Variants in MYBPH observed in about 807,000 individuals in gnomAD.
The protein encoded by MYBPH is myosin binding protein H.
A neutral mutation model predicts 53.6 loss-of-function variants in MYBPH; 49 were observed. The ratio of observed to expected loss-of-function variants is 0.91; its 90% CI spans 0.73 to 1.16. MYBPH has a LOEUF of 1.16. Among genes scored for constraint, MYBPH ranks in the 50% most tolerant of loss-of-function variants. The pLI, the probability that MYBPH is intolerant of heterozygous loss-of-function variation, is 0.00. For missense variants in MYBPH, 558 were observed against 624.1 expected, an observed-to-expected ratio of 0.89 and a Z score of 1.13; for synonymous variants, 239 against 249.6, an observed-to-expected ratio of 0.96 and a Z score of 0.40.
rs1571819743 is a variant in MYBPH at position 203,169,248 on chromosome 1, C to T, written c.1230+5G>A. 1 of 1,601,736 alleles carries T rather than the reference C, an allele frequency of 6.2e-7. No homozygotes were observed. Among genetic ancestry groups the T allele is most frequent in the Non-Finnish European group, 8.5e-7 (1 of 1,173,800 alleles). On this transcript the variant is annotated splice_donor_5th_base_variant and intron_variant, in intron 8 of 10. Transcript: ENST00000255416. ...CCCAGGGCACAACAGGGCCTGGCCC[C>T]TCACCTTGGGTGAAGCTCGGACACT...
rs74136952 is a variant in MYBPH at position 203,172,608 on chromosome 1, C to T, written c.509-568G>A. Reference sequence around the variant, plus strand: ...AGTGAAGCCAGGGCGGGTATCCCCCCTTCTTCCTCTGTCACCCTCCCAAAA... The same window carrying T: ...AGTGAAGCCAGGGCGGGTATCCCCCTTTCTTCCTCTGTCACCCTCCCAAAA... On this transcript the variant is annotated intron_variant, in intron 3 of 10. Transcript: ENST00000255416. Among the ~76,000 whole-genome samples, 544 of 152,326 alleles carry T rather than the reference C, an allele frequency of 3.6e-3. 1 individual carries two copies. The highest frequency in any genetic ancestry group is 0.012 in the African/African-American group (505 of 41,582).
At chr1:203,177,872 C>T (rs932238721), upstream of MYBPH, among the ~76,000 whole-genome samples, 3 of 152,354 alleles carry the variant, frequency 2.0e-5, no homozygotes, top group South Asian at 4.1e-4. Flanking sequence ...TACCCCCTCC[C>T]CACACCCCAC....
At chr1:203,169,947 G>A (rs1655663871) in intron 7 of MYBPH, among the ~76,000 whole-genome samples, 1 of 152,222 alleles carries the variant, frequency 6.6e-6, no homozygotes, top group Non-Finnish European at 1.5e-5. Flanking sequence ...ACCCAGCCAT[G>A]CGCAGGTCAC....
intron 7 of MYBPH, 28 bp downstream of exon 7, chr1:203,170,263 G>C: frequency 6.2e-7 from 1 of 1,612,970 alleles, no homozygotes; most frequent in Non-Finnish European, 8.5e-7. Flanking sequence ...GAGAGAGTTA[G>C]CACAGCCAGC....
rs774759778 is a variant in MYBPH, at chr1:203,170,297, T to C, written c.1087A>G (p.Lys363Glu). The change falls in exon 7 of 11, where the codon AAG becomes GAG. Residue 363 changes from lysine (K) to glutamate (E), a missense_variant. By Grantham distance (56) the Lys-to-Glu change is moderately conservative (BLOSUM62 1). Coordinates refer to ENST00000255416, the MANE Select transcript of MYBPH (RefSeq NM_004997.3). ...TVTKELAHIQ[K>E]ADIAAKPKGF... is the part of the protein sequence containing the mutation. The stretch of plus-strand genomic sequence containing the variant: ...GCTCCGGGCCCAAACCCACCTGCCT[T>C]CTGGATGTGGGCGAGCTCCTTGGTG... 6.2e-7 allele frequency: 1 copy of C among 1,614,008 alleles called. No homozygotes were observed. Among genetic ancestry groups the C allele is most frequent in the Non-Finnish European group, 8.5e-7 (1 of 1,179,992 alleles).
At position 203,169,038 on chromosome 1, in the gene MYBPH, G is replaced by T. The variant is rs1169133037; in HGVS notation, c.1285C>A (p.Arg429Ser). ...KMEIQGNPKY[R>S]ALSEQGVCTL... ...CAGACGCCTTGCTCAGAGAGGGCGC[G>T]GTATTTGGGGTTGCCCTGGATCTCC... The change falls in exon 9 of 11, where the codon CGC (arginine) becomes AGC (serine). Residue 429 changes from arginine to serine, a missense_variant. Arg to Ser is a moderately radical substitution (Grantham distance 110). Coordinates refer to ENST00000255416, the MANE Select transcript of MYBPH (RefSeq NM_004997.3). 13 of 1,613,948 alleles carry T rather than the reference G, an allele frequency of 8.1e-6. No individual in the cohort carries two copies. The highest frequency in any genetic ancestry group is 6.6e-5 in the South Asian group (6 of 91,084).
Position 203,171,286 on chromosome 1 carries a change from A to G in MYBPH, c.794-86T>C. On this transcript the variant is annotated intron_variant, in intron 5 of 10. Transcript: ENST00000255416. The surrounding 1 kb of genome is among the most constrained non-coding windows in gnomAD (Gnocchi z 4.2). The stretch of plus-strand genomic sequence containing the variant: ...ACACCCAAAATTTGGCTCTTGCCAC[A>G]CTCCCTTGGCCTGCTCCCATCAGCC... 6.5e-7 allele frequency: 1 copy of G among 1,546,540 alleles called. No individual in the cohort carries two copies. Among genetic ancestry groups the G allele is most frequent in the Non-Finnish European group, 8.7e-7 (1 of 1,145,138 alleles).
rs1322425381 is a variant in MYBPH, at chr1:203,171,609, A to G, written c.598-31T>C. ...AGGGAGGAGCCCCCAGGGTGAGTGT[A>G]GGGAGGTGCCAGAGTCCCCACACCT... is the stretch of plus-strand genomic sequence containing the variant. On this transcript the variant is annotated intron_variant, in intron 4 of 10. Coordinates refer to ENST00000255416, the MANE Select transcript of MYBPH (RefSeq NM_004997.3). The surrounding 1 kb of genome is among the most constrained non-coding windows in gnomAD (Gnocchi z 4.2). 1 of 1,587,006 alleles carries G rather than the reference A, an allele frequency of 6.3e-7. No individual in the cohort carries two copies. The highest frequency in any genetic ancestry group is 1.8e-5 in the Admixed American group (1 of 56,888).
At chr1:203,175,186 G>T (rs1290912552) in intron 2 of MYBPH, 141 bp downstream of exon 2, 2 of 1,041,028 alleles carry the variant, frequency 1.9e-6, no homozygotes, top group Non-Finnish European at 2.6e-6. Flanking sequence ...GGGCAGGTGG[G>T]TGGGTTGAGG....
intron 7 of MYBPH, 111 bp downstream of exon 7, chr1:203,170,180 G>A (rs1655667713): frequency 4.4e-6 from 6 of 1,358,978 alleles, no homozygotes; most frequent in Non-Finnish European, 6.1e-6. Context: ...GACGGCAAGT[G>A]TTCCAGGGGC....
At position 203,171,152 on chromosome 1, in the gene MYBPH, C is replaced by T. The variant is rs1168921011; in HGVS notation, c.842G>A (p.Cys281Tyr). The T allele has an allele frequency of 6.2e-7, 1 of 1,612,950 alleles. No homozygotes were observed. The highest frequency in any genetic ancestry group is 1.3e-5 in the African/African-American group (1 of 75,012). The change falls in exon 6 of 11, where the codon TGC (cysteine) becomes TAC (tyrosine). Residue 281 changes from cysteine (C) to tyrosine (Y), a missense_variant. Coordinates refer to ENST00000255416, the MANE Select transcript of MYBPH (RefSeq NM_004997.3). The surrounding 1 kb of genome is among the most constrained non-coding windows in gnomAD (Gnocchi z 4.2). ...SSIRLLDVWG[C>Y]NAALQWTPPQ... Reference sequence around the variant, plus strand: ...TGGCGTCCACTGAAGAGCAGCATTGCAGCCCCAGACGTCCAGGAGCCTGAT... The same window carrying T: ...TGGCGTCCACTGAAGAGCAGCATTGTAGCCCCAGACGTCCAGGAGCCTGAT...
chr1:203,174,387 G>A lies in MYBPH; in HGVS notation c.508+43C>T, dbSNP rs377330142. 2.0e-5 allele frequency: 30 copies of A among 1,527,006 alleles called. No homozygotes were observed. The East Asian group carries it at 5.3e-4, about 27-fold the overall frequency. 94.6% of individuals were successfully genotyped at this position (1,527,006 alleles called of 1,614,324 possible). On this transcript the variant is annotated intron_variant, in intron 3 of 10. Coordinates refer to ENST00000255416, the MANE Select transcript of MYBPH (RefSeq NM_004997.3). ...CCTCAGTTTCTCCATTAGATAAGGT[G>A]TTTGGGAAGGGCTGGGTAGCTGAAG...
At chr1:203,169,486 C>T (rs1374337024) in intron 7 of MYBPH, 97 bp from the exon 8 acceptor site, 15 of 1,497,566 alleles carry the variant, frequency 1.0e-5, no homozygotes, top group Admixed American at 3.9e-5. Flanking sequence ...GATAGCAAGT[C>T]GTGGCTTATT....
rs1655700201 is a variant in MYBPH, at chr1:203,171,677, G to C, written c.598-99C>G. 1 of 1,260,036 alleles carries C rather than the reference G, an allele frequency of 7.9e-7. No individual in the cohort carries two copies. The highest frequency in any genetic ancestry group is 1.1e-6 in the Non-Finnish European group (1 of 934,588). 78.1% of individuals were successfully genotyped at this position (1,260,036 alleles called of 1,614,324 possible). On this transcript the variant is annotated intron_variant, in intron 4 of 10. Transcript: ENST00000255416. The surrounding 1 kb of genome is among the most constrained non-coding windows in gnomAD (Gnocchi z 4.2). ...TCTGGAGCTGTTCTCGGGGAAGCCT[G>C]TCCCACTGGCCCTTCTCAGGAGGGG...
rs1194862895 is a variant in MYBPH, at chr1:203,171,502, C to T, written c.674G>A (p.Gly225Glu). The T allele has an allele frequency of 1.9e-6, 3 of 1,613,880 alleles. No individual in the cohort carries two copies. The highest frequency in any genetic ancestry group is 2.5e-6 in the Non-Finnish European group (3 of 1,180,002). Reference sequence around the variant, plus strand: ...AATGAAGAGGATGGAGTCCTGGTCCCCGGTGCGCATGCTCACCCGCTGGCT... The same window carrying T: ...AATGAAGAGGATGGAGTCCTGGTCCTCGGTGCGCATGCTCACCCGCTGGCT... Reference protein sequence around the residue: ...LDSQRVSMRTGDQDSILFIRS... With the variant: ...LDSQRVSMRTEDQDSILFIRS... Residue 225 changes from glycine to glutamate, a missense_variant, in exon 5 of 11, where the codon GGG (glycine) becomes GAG (glutamate). By Grantham distance (98) the Gly-to-Glu change is moderately conservative. Coordinates refer to ENST00000255416, the MANE Select transcript of MYBPH (RefSeq NM_004997.3). This position sits in a 1 kb window ranked among gnomAD's most constrained non-coding sequence, Gnocchi z 4.2.
rs774370257 is a variant in MYBPH, at chr1:203,169,324, G to T, written c.1159C>A (p.Pro387Thr). The change falls in exon 8 of 11, where the codon CCC becomes ACC. Residue 387 changes from proline (P) to threonine (T), a missense_variant. Transcript: ENST00000255416. ...GGGGTGGAGGTGTGGTCAGCCAGGG[G>T]CTGGGTGAATGAGGGGGCTTCTGAG... ...DFSEAPSFTQ[P>T]LADHTSTPGY... The T allele has an allele frequency of 8.1e-6, 13 of 1,612,514 alleles. No homozygotes were observed. The highest frequency in any genetic ancestry group is 1.1e-5 in the South Asian group (1 of 90,886).
rs896485096 is a variant in MYBPH, at chr1:203,175,810, G to T, written c.-55C>A. ...GTGTGCAGGGGTCAGCCGTTGGGGG[G>T]CCTGGGCCTCTAGGGTGCCTGGGAC... On this transcript the variant is annotated 5_prime_UTR_variant, in exon 1 of 11. Transcript: ENST00000255416. The T allele has an allele frequency of 3.8e-6, 6 of 1,584,414 alleles. No homozygotes were observed. Among genetic ancestry groups the T allele is most frequent in the African/African-American group, 2.7e-5 (2 of 74,202 alleles).
Position 203,171,610 on chromosome 1 carries a change from G to A in MYBPH, c.598-32C>T, listed in dbSNP as rs754095094. On this transcript the variant is annotated intron_variant, in intron 4 of 10. Transcript: ENST00000255416. The surrounding 1 kb of genome is among the most constrained non-coding windows in gnomAD (Gnocchi z 4.2). Reference sequence around the variant, plus strand: ...GGGAGGAGCCCCCAGGGTGAGTGTAGGGAGGTGCCAGAGTCCCCACACCTC... The same window carrying A: ...GGGAGGAGCCCCCAGGGTGAGTGTAAGGAGGTGCCAGAGTCCCCACACCTC... 1.0e-5 allele frequency: 16 copies of A among 1,585,858 alleles called. No individual in the cohort carries two copies. The highest frequency in any genetic ancestry group is 1.3e-5 in the Non-Finnish European group (15 of 1,166,600).
At chr1:203,172,402 G>A (rs537651004) in intron 3 of MYBPH, among the ~76,000 whole-genome samples, 57 of 152,242 alleles carry the variant, frequency 3.7e-4, no homozygotes, top group Non-Finnish European at 7.1e-4. Flanking sequence ...CCCTGCTGGG[G>A]AGCAGGTGCT....
Sources: gnomAD v4.1 joint callset for allele counts (sites outside exome capture counted in the v4.1 genomes callset) on GRCh38, gnomAD v4.1.1 for gene constraint, Gnocchi (gnomAD v3.1) non-coding constraint, MANE v1.5 for transcripts, NCBI Gene and HGNC (gene_info 2026-07-23, HGNC 2026-07-21) for gene names.